The following ARHGAP5 variants were observed in gnomAD, a reference collection of about 807,000 sequenced individuals.
The protein encoded by ARHGAP5 is Rho GTPase activating protein 5, also known as rho GTPase-activating protein 5.
In ARHGAP5, 23 loss-of-function variants were observed where a neutral mutation model predicts 116.6. That is an observed-to-expected ratio of 0.20 (90% CI 0.14 to 0.28). ARHGAP5 has a LOEUF of 0.28. Among genes scored for constraint, ARHGAP5 ranks in the 10% least tolerant of loss-of-function variants. ARHGAP5 has a pLI of 1.00. For synonymous variants in ARHGAP5, 574 were observed against 602.0 expected (o/e 0.95, Z 0.68); for missense variants, 1,405 against 1,774.8 (o/e 0.79, Z 3.74).
chr14:32,101,973 A>G (rs1007887249), intron 2 of ARHGAP5, among the ~76,000 whole-genome samples: 22 of 152,084 alleles, frequency 1.4e-4, no homozygotes, highest in Admixed American at 9.2e-4. Context: ...ACAGAGCGAG[A>G]CTCCAAAAAG....
Position 32,132,702 on chromosome 14 carries a change from G to A in ARHGAP5, c.3866-13561G>A, listed in dbSNP as rs541623963. 5.8e-3 allele frequency among the ~76,000 whole-genome samples: 764 copies of A among 132,694 alleles called. 3 individuals carry two copies. Among genetic ancestry groups the A allele is most frequent in the Non-Finnish European group, 7.8e-3 (422 of 54,176 alleles). The allele number at this position is 132,694 out of a possible 152,430, so 87.1% of individuals were successfully genotyped here. ...TGGTAATGCCTAGGTTTTCTTCTAG[G>A]GTTTTTATGGTTTTAGGTCTAACAT... On this transcript the variant is annotated intron_variant, in intron 3 of 6. Transcript: ENST00000345122.
At chr14:32,095,947 T>C (rs1174511869) in intron 2 of ARHGAP5, among the ~76,000 whole-genome samples, 2 of 152,238 alleles carry the variant, frequency 1.3e-5, no homozygotes, top group Non-Finnish European at 2.9e-5. Context: ...GTGTTTTTTT[T>C]TCCATTTTTG....
At chr14:32,077,651 G>A (rs2041721953) in intron 1 of ARHGAP5, among the ~76,000 whole-genome samples, 1 of 152,094 alleles carries the variant, frequency 6.6e-6, no homozygotes, top group Non-Finnish European at 1.5e-5. Flanking sequence ...TCGGCGTGAA[G>A]GGCAGAGAGG....
At chr14:32,116,885 T>C (rs1414146548) in intron 2 of ARHGAP5, among the ~76,000 whole-genome samples, 1 of 152,192 alleles carries the variant, frequency 6.6e-6, no homozygotes, top group Non-Finnish European at 1.5e-5. Flanking sequence ...TTCTATTCTC[T>C]CCTGACCTAT....
At chr14:32,138,470 G>A (rs1360205654) in intron 3 of ARHGAP5, among the ~76,000 whole-genome samples, 6 of 151,992 alleles carry the variant, frequency 3.9e-5, no homozygotes, top group East Asian at 3.9e-4. Flanking sequence ...TTTTAGTAGC[G>A]ATGGGGTTTC....
At chr14:32,141,723 A>G (rs1462186755) in intron 3 of ARHGAP5, among the ~76,000 whole-genome samples, 1 of 152,162 alleles carries the variant, frequency 6.6e-6, no homozygotes, top group African/African-American at 2.4e-5. Flanking sequence ...ACTTTCGTTT[A>G]TCTAAGAGTA....
intron 3 of ARHGAP5, among the ~76,000 whole-genome samples, chr14:32,140,469 A>T (rs1881069552): frequency 1.3e-5 from 2 of 151,808 alleles, no homozygotes. Flanking sequence ...CGCATGCTGT[A>T]GTCCTAACTA....
chr14:32,118,060 T>G (rs1359970622), intron 3 of ARHGAP5, among the ~76,000 whole-genome samples: 1 of 152,224 alleles, frequency 6.6e-6, no homozygotes, highest in African/African-American at 2.4e-5. Context: ...AGATAAGCAT[T>G]GTTTAAAAAA....
chr14:32,083,639 C>T (rs563884386), intron 1 of ARHGAP5, among the ~76,000 whole-genome samples: 1 of 152,012 alleles, frequency 6.6e-6, no homozygotes, highest in Non-Finnish European at 1.5e-5. Context: ...CTTTTTTTCC[C>T]TTAATCCATA....
intron 3 of ARHGAP5, among the ~76,000 whole-genome samples, chr14:32,130,209 A>ATTTT (rs1201632953): frequency 8.0e-6 from 1 of 124,408 alleles, no homozygotes; most frequent in African/African-American, 3.1e-5. Context: ...TTCATAAGGG[A>ATTTT]TTTTTTTTTT....
intron 3 of ARHGAP5, among the ~76,000 whole-genome samples, chr14:32,121,058 C>T (rs1244543166): frequency 3.2e-5 from 4 of 125,908 alleles, no homozygotes; most frequent in Non-Finnish European, 6.4e-5. Context: ...CTCTCTAACA[C>T]CCAGGCTGAA....
chr14:32,150,159 A>G (rs1351223423), intron 5 of ARHGAP5, 126 bp downstream of exon 5: 3 of 738,304 alleles, frequency 4.1e-6, no homozygotes, highest in African/African-American at 1.9e-5. Context: ...CTAGAACTCT[A>G]TTTCTTAAAG....
intron 3 of ARHGAP5, among the ~76,000 whole-genome samples, chr14:32,117,622 T>C (rs1224866483): frequency 6.6e-6 from 1 of 152,238 alleles, no homozygotes; most frequent in Non-Finnish European, 1.5e-5. Context: ...AAGTTTTCCA[T>C]ATTTTTAAGT....
intron 4 of ARHGAP5, among the ~76,000 whole-genome samples, chr14:32,149,002 C>T (rs112850481): frequency 0.036 from 5,401 of 152,048 alleles, 326 homozygotes; most frequent in African/African-American, 0.12. Flanking sequence ...AAATTGAGTA[C>T]CCCTTATTCA....
intron 3 of ARHGAP5, among the ~76,000 whole-genome samples, chr14:32,133,899 G>C (rs959496003): frequency 1.3e-5 from 2 of 152,096 alleles, no homozygotes; most frequent in African/African-American, 4.8e-5. Context: ...TGATTTGCAT[G>C]TATTGAACCA....
intron 2 of ARHGAP5, 95 bp from the exon 3 acceptor site, chr14:32,117,045 T>G: frequency 1.0e-6 from 1 of 977,308 alleles, no homozygotes; most frequent in Non-Finnish European, 1.4e-6. Flanking sequence ...GGCTATAAAA[T>G]TTTTCTTTTG....
chr14:32,108,538 G>A (rs1879126095), intron 2 of ARHGAP5, among the ~76,000 whole-genome samples: 1 of 152,104 alleles, frequency 6.6e-6, no homozygotes, highest in Admixed American at 6.5e-5. Context: ...GCAATAATAT[G>A]AGGGAGTTCC....
At chr14:32,119,762 G>C (rs1289079156) in intron 3 of ARHGAP5, among the ~76,000 whole-genome samples, 1 of 152,006 alleles carries the variant, frequency 6.6e-6, no homozygotes, top group African/African-American at 2.4e-5. Flanking sequence ...GTTATCTTAC[G>C]ATTGTTTTTT....
chr14:32,140,375 A>T (rs1199194110), intron 3 of ARHGAP5, among the ~76,000 whole-genome samples: 5 of 151,102 alleles, frequency 3.3e-5, no homozygotes, highest in South Asian at 2.1e-4. Flanking sequence ...AGGTCAGGAG[A>T]TCAAGACCAT....
Sources: gnomAD v4.1 joint callset for allele counts (sites outside exome capture counted in the v4.1 genomes callset) on GRCh38, gnomAD v4.1.1 for gene constraint, MANE v1.5 for transcripts, NCBI Gene and HGNC (gene_info 2026-07-23, HGNC 2026-07-21) for gene names.